The following TBC1D19 variants were observed in gnomAD, a reference collection of about 807,000 sequenced individuals.
TBC1D19 encodes TBC1 domain family member 19, also known as TBC1 domain family, member 19.
A neutral mutation model predicts 89.0 loss-of-function variants in TBC1D19; 60 were observed. That is an observed-to-expected ratio of 0.67 (90% CI 0.55 to 0.84). The LOEUF (loss-of-function observed/expected upper bound fraction) is 0.84, where lower values mean the gene tolerates loss of function less well. TBC1D19 is among the 40% of genes least tolerant of loss of function. The pLI is 0.00. For synonymous variants in TBC1D19, 189 were observed against 199.7 expected (o/e 0.95, Z 0.45); for missense variants, 500 against 610.8 (o/e 0.82, Z 1.91).
At chr4:26,776,644 C>T in the TBC1D19 span, among the ~76,000 whole-genome samples, 1 of 152,162 alleles carries the variant, frequency 6.6e-6, no homozygotes, top group Non-Finnish European at 1.5e-5. Context: ...TCAAGAAGGG[C>T]TCATGGGAGA....
the TBC1D19 span, among the ~76,000 whole-genome samples, chr4:26,838,666 T>C: frequency 1.3e-5 from 2 of 152,240 alleles, no homozygotes; most frequent in African/African-American, 2.4e-5. Flanking sequence ...GCAGACTTCC[T>C]GTACTTTGTC....
intron 16 of TBC1D19, among the ~76,000 whole-genome samples, chr4:26,739,525 T>G (rs1037199297): frequency 1.3e-5 from 2 of 152,156 alleles, no homozygotes; most frequent in Non-Finnish European, 2.9e-5. Context: ...TCTTATTACT[T>G]CAATTAAAAA....
At chr4:26,799,751 A>G in the TBC1D19 span, among the ~76,000 whole-genome samples, 2 of 152,132 alleles carry the variant, frequency 1.3e-5, no homozygotes, top group African/African-American at 2.4e-5. Flanking sequence ...TTAGTTTTGC[A>G]CTTTCCAGCC....
the TBC1D19 span, among the ~76,000 whole-genome samples, chr4:26,835,993 C>A: frequency 6.6e-6 from 1 of 151,906 alleles, no homozygotes; most frequent in Non-Finnish European, 1.5e-5. Flanking sequence ...CTCTCTCTCT[C>A]TCTCTCTCTC....
chr4:26,792,442 G>A, the TBC1D19 span, among the ~76,000 whole-genome samples: 1 of 152,124 alleles, frequency 6.6e-6, no homozygotes, highest in Non-Finnish European at 1.5e-5. Flanking sequence ...AAATGGCAAT[G>A]GCAAATTTAG....
At chr4:26,809,838 C>G in the TBC1D19 span, among the ~76,000 whole-genome samples, 2 of 152,228 alleles carry the variant, frequency 1.3e-5, no homozygotes, top group Admixed American at 6.5e-5. Flanking sequence ...CCCCCTTGAG[C>G]ATGCCACCTC....
chr4:26,737,746 A>C (rs1191712581), intron 16 of TBC1D19, among the ~76,000 whole-genome samples: 3 of 152,074 alleles, frequency 2.0e-5, no homozygotes, highest in Admixed American at 6.6e-5. Flanking sequence ...TCCCTAAGGA[A>C]CTCTAGTTAG....
chr4:26,765,349 C>T, the TBC1D19 span, among the ~76,000 whole-genome samples: 1 of 150,242 alleles, frequency 6.7e-6, no homozygotes, highest in African/African-American at 2.5e-5. Flanking sequence ...ATATAGCCTG[C>T]TTTTAGTTAA....
At chr4:26,646,616 C>T (rs1037220996) in intron 7 of TBC1D19, among the ~76,000 whole-genome samples, 3 of 151,518 alleles carry the variant, frequency 2.0e-5, no homozygotes, top group African/African-American at 7.3e-5. Context: ...TACTATGCAG[C>T]CATTAAAAAG....
chr4:26,645,042 A>C (rs939198102), intron 7 of TBC1D19, among the ~76,000 whole-genome samples: 2 of 151,972 alleles, frequency 1.3e-5, no homozygotes, highest in African/African-American at 4.8e-5. Context: ...ATGCTCATGG[A>C]TAGGAAGAAT....
intron 8 of TBC1D19, among the ~76,000 whole-genome samples, chr4:26,664,382 C>CT (rs1211246100): frequency 6.6e-6 from 1 of 152,064 alleles, no homozygotes; most frequent in Non-Finnish European, 1.5e-5. Flanking sequence ...TCTGTTCATG[C>CT]TTTTTAACAT....
At chr4:26,853,334 C>A in the TBC1D19 span, among the ~76,000 whole-genome samples, 48,740 of 152,038 alleles carry the variant, frequency 0.32, 7,841 homozygotes, top group Admixed American at 0.35. Flanking sequence ...TTATCTCCCC[C>A]CTTCCAGCTC....
chr4:26,699,515 A>G (rs1029717778), intron 13 of TBC1D19, among the ~76,000 whole-genome samples: 3 of 152,342 alleles, frequency 2.0e-5, no homozygotes, highest in South Asian at 2.1e-4. Context: ...ATTACTGGGT[A>G]TATACCCAAA....
chr4:26,655,871 C>T (rs1744765551), intron 7 of TBC1D19, among the ~76,000 whole-genome samples: 1 of 152,138 alleles, frequency 6.6e-6, no homozygotes, highest in African/African-American at 2.4e-5. Context: ...TGCGCTGCAC[C>T]CACTGTCCTG....
intron 1 of TBC1D19, among the ~76,000 whole-genome samples, chr4:26,604,240 G>T (rs1244731906): frequency 1.4e-5 from 2 of 141,258 alleles, no homozygotes; most frequent in African/African-American, 5.5e-5. Context: ...TGCCAGCTCT[G>T]CCTGTCGGGT....
intron 13 of TBC1D19, 30 bp from the exon 14 acceptor site, chr4:26,717,903 T>C: frequency 6.5e-7 from 1 of 1,548,074 alleles, no homozygotes; most frequent in Non-Finnish European, 8.9e-7. Context: ...TAGTGCTTAA[T>C]TGCTATTTTT....
chr4:26,604,752 G>A (rs941676965), intron 1 of TBC1D19, among the ~76,000 whole-genome samples: 32 of 151,888 alleles, frequency 2.1e-4, no homozygotes, highest in African/African-American at 7.0e-4. Context: ...ATGGTGGCGG[G>A]TGCCTGTAGT....
At chr4:26,780,314 A>G in the TBC1D19 span, among the ~76,000 whole-genome samples, 2 of 152,360 alleles carry the variant, frequency 1.3e-5, no homozygotes, top group East Asian at 3.9e-4. Context: ...ACCACATGCC[A>G]GATAAAACTG....
chr4:26,623,228 A>G (rs775645340), intron 4 of TBC1D19, among the ~76,000 whole-genome samples: 3 of 152,158 alleles, frequency 2.0e-5, no homozygotes, highest in Admixed American at 6.6e-5. Flanking sequence ...GTCTAAGGCT[A>G]CTTTTACTGT....
Sources: gnomAD v4.1 joint callset for allele counts (sites outside exome capture counted in the v4.1 genomes callset) on GRCh38, gnomAD v4.1.1 for gene constraint, MANE v1.5 for transcripts, NCBI Gene and HGNC (gene_info 2026-07-23, HGNC 2026-07-21) for gene names.